Variants in SLC24A2 observed in about 807,000 individuals in gnomAD.
The protein encoded by SLC24A2 is sodium/potassium/calcium exchanger 2.
In SLC24A2, 36 loss-of-function variants were observed where a neutral mutation model predicts 62.0. The ratio of observed to expected loss-of-function variants is 0.58; its 90% CI spans 0.44 to 0.77. The LOEUF is 0.77. SLC24A2 is among the 30% of genes least tolerant of loss of function. The pLI is 0.00. For missense variants in SLC24A2, 846 were observed against 817.9 expected (o/e 1.03, Z -0.42); for synonymous variants, 358 against 294.0 (o/e 1.22, Z -2.23).
chr9:19,704,254 G>A (rs367707977), intron 2 of SLC24A2, among the ~76,000 whole-genome samples: 3 of 152,178 alleles, frequency 2.0e-5, no homozygotes, highest in East Asian at 3.9e-4. Context: ...GAGAAGCAGA[G>A]GCACATGATT....
the SLC24A2 span, among the ~76,000 whole-genome samples, chr9:19,829,204 T>C: frequency 6.6e-6 from 1 of 152,182 alleles, no homozygotes; most frequent in East Asian, 1.9e-4. Context: ...GTCACTTTTC[T>C]TGCTACCTCT....
At chr9:19,895,546 C>CTTTCTTTCTTTCTT in the SLC24A2 span, among the ~76,000 whole-genome samples, 62 of 135,332 alleles carry the variant, frequency 4.6e-4, no homozygotes, top group African/African-American at 1.5e-3. Context: ...TTCTTTCTTT[C>CTTTCTTTCTTTCTT]TTTTTTTTTT....
the SLC24A2 span, among the ~76,000 whole-genome samples, chr9:20,052,438 T>A: frequency 1.3e-5 from 2 of 152,332 alleles, no homozygotes; most frequent in Admixed American, 1.3e-4. Flanking sequence ...AAGGAACAAT[T>A]GCACCAAATT....
At chr9:19,605,986 G>C (rs770233664) in intron 4 of SLC24A2, among the ~76,000 whole-genome samples, 12 of 152,188 alleles carry the variant, frequency 7.9e-5, no homozygotes, top group Non-Finnish European at 1.3e-4. Context: ...GATGGGAAGA[G>C]GTCACCATGC....
At chr9:20,028,225 G>A in the SLC24A2 span, among the ~76,000 whole-genome samples, 1 of 152,128 alleles carries the variant, frequency 6.6e-6, no homozygotes, top group Admixed American at 6.5e-5. Flanking sequence ...GATAGACTTT[G>A]GGGTACAGCC....
chr9:20,000,174 A>G, the SLC24A2 span, among the ~76,000 whole-genome samples: 2 of 152,246 alleles, frequency 1.3e-5, no homozygotes, highest in Non-Finnish European at 2.9e-5. Context: ...ACTAGTATGT[A>G]TGGAAATGGT....
At chr9:19,699,907 TTA>T (rs926061205) in intron 2 of SLC24A2, among the ~76,000 whole-genome samples, 1 of 152,160 alleles carries the variant, frequency 6.6e-6, no homozygotes, top group African/African-American at 2.4e-5. Flanking sequence ...CCCCTTCTGG[TTA>T]GGACACACGG....
At position 19,508,626 on chromosome 9, in the gene SLC24A2, C is replaced by G. The variant is rs1237256984; in HGVS notation, c.*7527G>C. The G allele has an allele frequency of 6.6e-6, 1 of 152,048 alleles. No homozygotes were observed. Among genetic ancestry groups the G allele is most frequent in the African/African-American group, 2.4e-5 (1 of 41,374 alleles). The allele number at this position is 152,048 out of a possible 1,614,324, so 9.4% of individuals were successfully genotyped here. A position where few individuals can be genotyped will look rare whatever the true frequency, so the allele number is the denominator to read the frequency against. On this transcript the variant is annotated 3_prime_UTR_variant, in exon 11 of 11. Coordinates refer to ENST00000341998, the MANE Select transcript of SLC24A2 (RefSeq NM_020344.4). ...TGGGTAACATAGTGAGACTCCATCT[C>G]TTAACAACAACAACAAAATTAGCCA...
At chr9:20,163,037 A>T in the SLC24A2 span, among the ~76,000 whole-genome samples, 1 of 152,194 alleles carries the variant, frequency 6.6e-6, no homozygotes, top group Non-Finnish European at 1.5e-5. Context: ...CCGAATGGGC[A>T]AAAACTGGAA....
chr9:19,844,289 CAT>C, the SLC24A2 span, among the ~76,000 whole-genome samples: 3 of 152,034 alleles, frequency 2.0e-5, no homozygotes, highest in African/African-American at 4.8e-5. Flanking sequence ...ACATTTTTTT[CAT>C]ATGTTTGTTG....
chr9:20,279,007 T>C, the SLC24A2 span, among the ~76,000 whole-genome samples: 1 of 152,148 alleles, frequency 6.6e-6, no homozygotes, highest in African/African-American at 2.4e-5. Context: ...CTTCTTCATA[T>C]GGCAGCAGGA....
chr9:19,976,246 G>A, the SLC24A2 span, among the ~76,000 whole-genome samples: 3 of 152,300 alleles, frequency 2.0e-5, no homozygotes, highest in East Asian at 1.9e-4. Context: ...ATTAGGTATT[G>A]ATATGGTTTG....
chr9:19,595,325 T>C (rs949625934), intron 5 of SLC24A2, among the ~76,000 whole-genome samples: 1 of 152,244 alleles, frequency 6.6e-6, no homozygotes, highest in African/African-American at 2.4e-5. Context: ...TGACATCCTA[T>C]GAAACCAGCA....
At chr9:20,160,502 T>C in the SLC24A2 span, among the ~76,000 whole-genome samples, 2 of 151,540 alleles carry the variant, frequency 1.3e-5, no homozygotes, top group South Asian at 2.1e-4. Context: ...CTCAAGTACA[T>C]ATGCGGCATT....
chr9:20,180,320 T>C, the SLC24A2 span, among the ~76,000 whole-genome samples: 3 of 152,160 alleles, frequency 2.0e-5, no homozygotes, highest in African/African-American at 4.8e-5. Flanking sequence ...ACCATATAGA[T>C]ATTGGTTATT....
At position 19,583,251 on chromosome 9, in the gene SLC24A2, T is replaced by C. The variant is rs572394852; in HGVS notation, c.1130-6229A>G. 2.1e-4 allele frequency among the ~76,000 whole-genome samples: 32 copies of C among 152,312 alleles called. 1 individual carries two copies. In the South Asian group the frequency reaches 6.2e-3, roughly 30 times the overall value. ...ACAATCTCACCTCTGTGCCATGGCA[T>C]TGTCTGGCCCCTCTACCTGGAGTAT... On this transcript the variant is annotated intron_variant, in intron 5 of 10. Transcript: ENST00000341998.
chr9:19,728,786 A>C (rs1002123213), intron 2 of SLC24A2, among the ~76,000 whole-genome samples: 1 of 152,212 alleles, frequency 6.6e-6, no homozygotes, highest in African/African-American at 2.4e-5. Flanking sequence ...TCTAGGCTAG[A>C]AGGTTTTATT....
rs527288059 is a variant in SLC24A2, at chr9:19,744,486, G to A, written c.930+41451C>T. 1.1e-3 allele frequency among the ~76,000 whole-genome samples: 171 copies of A among 152,200 alleles called. 1 individual carries two copies. The highest frequency in any genetic ancestry group is 4.0e-3 in the African/African-American group (166 of 41,544). ...ACTCCTATGCTCGTAGAGGACTGGT[G>A]AGTCATCAAAGAAGGGAAGGACCAG... On this transcript the variant is annotated intron_variant, in intron 2 of 10. Coordinates refer to ENST00000341998, the MANE Select transcript of SLC24A2 (RefSeq NM_020344.4).
At chr9:20,166,910 T>C in the SLC24A2 span, among the ~76,000 whole-genome samples, 1 of 151,990 alleles carries the variant, frequency 6.6e-6, no homozygotes, top group African/African-American at 2.4e-5. Flanking sequence ...GGCACAATCA[T>C]AGCTCACCAC....
Sources: gnomAD v4.1 joint callset for allele counts (sites outside exome capture counted in the v4.1 genomes callset) on GRCh38, gnomAD v4.1.1 for gene constraint, MANE v1.5 for transcripts, NCBI Gene and HGNC (gene_info 2026-07-23, HGNC 2026-07-21) for gene names.